The following UTP20 variants were observed in gnomAD, a reference collection of about 807,000 sequenced individuals.
UTP20 encodes the protein small subunit processome component 20 homolog.
A neutral mutation model predicts 329.5 loss-of-function variants in UTP20; 164 were observed. That is an observed-to-expected ratio of 0.50 (90% CI 0.44 to 0.57). The LOEUF (loss-of-function observed/expected upper bound fraction) is 0.57, where lower values mean the gene tolerates loss of function less well. Among genes scored for constraint, UTP20 ranks in the 20% least tolerant of loss-of-function variants. The pLI is 0.00. For synonymous variants in UTP20, 1,151 were observed against 1,159.3 expected, an observed-to-expected ratio of 0.99 and a Z score of 0.14; for missense variants, 3,055 against 3,284.2, an observed-to-expected ratio of 0.93 and a Z score of 1.71.
chr12:101,338,306 T>G (rs778022874), intron 30 of UTP20, 29 bp downstream of exon 30: 1 of 1,600,918 alleles, frequency 6.2e-7, no homozygotes, highest in Non-Finnish European at 8.6e-7. Context: ...CAGATAATTC[T>G]TAGACTTCTG....
intron 25 of UTP20, among the ~76,000 whole-genome samples, chr12:101,322,394 T>A (rs1337792590): frequency 6.6e-6 from 1 of 152,226 alleles, no homozygotes; most frequent in Non-Finnish European, 1.5e-5. Context: ...AATATTTCAC[T>A]CTGTTTTCCA....
chr12:101,288,309 T>G (rs1035681390), intron 5 of UTP20, among the ~76,000 whole-genome samples: 3 of 152,214 alleles, frequency 2.0e-5, no homozygotes, highest in Non-Finnish European at 4.4e-5. Context: ...CTTCTATCAT[T>G]AGGGAGACCA....
intron 51 of UTP20, among the ~76,000 whole-genome samples, 170 bp downstream of exon 51, chr12:101,371,338 C>T (rs1870280940): frequency 6.6e-6 from 1 of 151,886 alleles, no homozygotes; most frequent in African/African-American, 2.4e-5. Context: ...TTTCTGGGGA[C>T]TGACAGGCAG....
chr12:101,361,251 A>C (rs926017595), intron 43 of UTP20, among the ~76,000 whole-genome samples: 2 of 152,112 alleles, frequency 1.3e-5, no homozygotes, highest in African/African-American at 4.8e-5. Flanking sequence ...TTTCCTTCAT[A>C]ATATTTTATT....
chr12:101,321,859 C>T (rs1385881489), intron 25 of UTP20, among the ~76,000 whole-genome samples: 1 of 151,944 alleles, frequency 6.6e-6, no homozygotes, highest in Non-Finnish European at 1.5e-5. Flanking sequence ...ATGCTCCCAC[C>T]TTGGCCTCCC....
At chr12:101,340,900 C>G (rs529930284) in intron 32 of UTP20, among the ~76,000 whole-genome samples, 1 of 132,756 alleles carries the variant, frequency 7.5e-6, no homozygotes, top group Admixed American at 8.0e-5. Flanking sequence ...TTTTCTTTCT[C>G]TAACAAGCCT....
chr12:101,291,888 G>C lies in UTP20; in HGVS notation c.1038G>C (p.Lys346Asn). The C allele has an allele frequency of 6.2e-7, 1 of 1,610,884 alleles. No homozygotes were observed. The highest frequency in any genetic ancestry group is 8.5e-7 in the Non-Finnish European group (1 of 1,178,992). The change falls in exon 9 of 62, where the codon AAG (lysine) becomes AAC (asparagine). Residue 346 changes from lysine to asparagine, a missense_variant and splice_region_variant. Lys to Asn is a moderately conservative substitution (Grantham distance 94). This residue lies in a region of UTP20 where 2,445 missense variants were observed against 2,575.5 expected (regional missense o/e 0.95). Coordinates refer to ENST00000261637, the MANE Select transcript of UTP20 (RefSeq NM_014503.3). The part of the protein sequence containing the change: ...TKIPTPADVC[K>N]VLSQTLQVAS... ...TACCCACGCCTGCTGATGTCTGTAA[G>C]GTGAGTTCCCAACTTAATATGCTCG...
In UTP20 at chr12:101,295,468, T is replaced by C. The variant is rs1565786539; in HGVS notation, c.1252-12T>C. 6.4e-7 allele frequency: 1 copy of C among 1,551,262 alleles called. No homozygotes were observed. Among genetic ancestry groups the C allele is most frequent in the Non-Finnish European group, 8.7e-7 (1 of 1,145,816 alleles). On this transcript the variant is annotated splice_polypyrimidine_tract_variant and intron_variant, in intron 11 of 61. Transcript: ENST00000261637. ...CTGTTAATAAGTGTGATTTTTTTTTTCTTAACTTTAGCTTTTTCTACCAAG... is the reference window on the plus strand; with the variant it reads ...CTGTTAATAAGTGTGATTTTTTTTTCCTTAACTTTAGCTTTTTCTACCAAG...
chr12:101,327,747 G>T (rs146805263), intron 26 of UTP20, among the ~76,000 whole-genome samples: 1 of 152,162 alleles, frequency 6.6e-6, no homozygotes, highest in African/African-American at 2.4e-5. Flanking sequence ...GGATGTAATC[G>T]TGTATACATT....
chr12:101,298,712 A>T (rs1329814082), intron 12 of UTP20, among the ~76,000 whole-genome samples: 1 of 152,166 alleles, frequency 6.6e-6, no homozygotes. Flanking sequence ...TTGAGTCATG[A>T]TTATTACTAA....
intron 21 of UTP20, among the ~76,000 whole-genome samples, chr12:101,313,846 G>A (rs1002086464): frequency 1.3e-5 from 2 of 152,070 alleles, no homozygotes; most frequent in Non-Finnish European, 2.9e-5. Context: ...GAGGAATGCA[G>A]GAGTTGCAGG....
At chr12:101,282,885 A>G (rs1565782847) in intron 2 of UTP20, among the ~76,000 whole-genome samples, 1 of 152,240 alleles carries the variant, frequency 6.6e-6, no homozygotes, top group Non-Finnish European at 1.5e-5. Context: ...AGGAAGTAGA[A>G]TGAATGGATA....
chr12:101,379,486 TACCAAAAAG>T lies in UTP20; in HGVS notation c.7521_7529del (p.Thr2508_Lys2510del). ...CAGAGGAGCTTATTCAAAAATGGAA[TACCAAAAAG>T]ACCAAAAAACACCTCCCAGAACCTG... On this transcript the variant is annotated inframe_deletion, in exon 57 of 62. Coordinates refer to ENST00000261637, the MANE Select transcript of UTP20 (RefSeq NM_014503.3). 1 of 1,614,064 alleles carries T rather than the reference TACCAAAAAG, an allele frequency of 6.2e-7. No homozygotes were observed. Among genetic ancestry groups the T allele is most frequent in the Non-Finnish European group, 8.5e-7 (1 of 1,179,976 alleles).
At chr12:101,341,094 G>C (rs12833042) in intron 32 of UTP20, among the ~76,000 whole-genome samples, 2,987 of 151,312 alleles carry the variant, frequency 0.02, 44 homozygotes, top group South Asian at 0.048. Flanking sequence ...TCCTGCCTCA[G>C]CCTCCCAAGT....
intron 10 of UTP20, 104 bp from the exon 11 acceptor site, chr12:101,293,064 A>C (rs1327631496): frequency 4.4e-6 from 5 of 1,140,338 alleles, no homozygotes; most frequent in Non-Finnish European, 6.5e-6. Context: ...TGGACAGAGC[A>C]CTGAGTGAAG....
intron 2 of UTP20, among the ~76,000 whole-genome samples, chr12:101,284,890 G>A (rs1593415536): frequency 6.6e-6 from 1 of 151,954 alleles, no homozygotes; most frequent in Admixed American, 6.6e-5. Context: ...GTTTTTTAAG[G>A]AAAATTGAAT....
At position 101,312,219 on chromosome 12, in the gene UTP20, C is replaced by T. The variant is rs1462895524; in HGVS notation, c.2495C>T (p.Pro832Leu). 3 of 1,614,080 alleles carry T rather than the reference C, an allele frequency of 1.9e-6. No homozygotes were observed. The African/African-American group carries it at 4.0e-5, about 22-fold the overall frequency. The change falls in exon 21 of 62, where the codon CCA becomes CTA. Residue 832 changes from proline (P) to leucine (L), a missense_variant. By Grantham distance (98) the Pro-to-Leu change is moderately conservative (BLOSUM62 -3). Transcript: ENST00000261637. ...FLLWRALTKF[P>L]ERVEPRSREL... ...CTCTGGAGAGCTCTGACCAAATTCCCAGAAAGAGTAGAGCCACGGTCCAGG... is the reference window on the plus strand; with the variant it reads ...CTCTGGAGAGCTCTGACCAAATTCCTAGAAAGAGTAGAGCCACGGTCCAGG...
chr12:101,306,676 A>G, intron 16 of UTP20, 23 bp from the exon 17 acceptor site: 1 of 1,590,700 alleles, frequency 6.3e-7, no homozygotes, highest in Non-Finnish European at 8.5e-7. Context: ...TGGAATTTGA[A>G]AGATGCCTTT....
chr12:101,309,850 G>A lies in UTP20; in HGVS notation c.2231+11G>A, dbSNP rs563178216. ...TATTGAACTCATAAGGTAAACATGG[G>A]TTAAATGGGATGAAACTATTATACT... is the stretch of plus-strand genomic sequence containing the variant. On this transcript the variant is annotated intron_variant, in intron 19 of 61. Transcript: ENST00000261637. 9 of 1,609,890 alleles carry A rather than the reference G, an allele frequency of 5.6e-6. No individual in the cohort carries two copies. The highest frequency in any genetic ancestry group is 4.4e-5 in the South Asian group (4 of 90,908).
Sources: gnomAD v4.1 joint callset for allele counts (sites outside exome capture counted in the v4.1 genomes callset) on GRCh38, gnomAD v4.1.1 for gene constraint, gnomAD v4.1.1 regional missense constraint, MANE v1.5 for transcripts, NCBI Gene and HGNC (gene_info 2026-07-23, HGNC 2026-07-21) for gene names.